CA10: variants seen among roughly 807,000 people sequenced by gnomAD.
CA10 encodes carbonic anhydrase 10 (inactive).
Under a neutral mutation model 44.2 loss-of-function variants are expected in CA10, and 14 were observed. The observed-to-expected ratio is 0.32, with a 90% CI of 0.21 to 0.50. The LOEUF is 0.50. Ranked by LOEUF, CA10 falls within the 20% of genes least tolerant of loss-of-function variation. CA10 has a pLI of 0.99. For missense variants in CA10, 350 were observed against 409.7 expected (o/e 0.85, Z 1.26); for synonymous variants, 159 against 141.6 (o/e 1.12, Z -0.87).
chr17:51,930,273 ATT>A, intron 3 of CA10, among the ~76,000 whole-genome samples: 1 of 150,060 alleles, frequency 6.7e-6, no homozygotes, highest in East Asian at 1.9e-4. Context: ...CTGCATGTGC[ATT>A]TTTTTTTTAC....
rs147001372 is a variant in CA10, at chr17:52,132,153, C to T, written c.61+25573G>A. ...ACATAGGGCACATTATGTACATGTA[C>T]CCTAAAACTTAAAGTATAATAATAA... On this transcript the variant is annotated intron_variant, in intron 1 of 8. Coordinates refer to ENST00000451037, the MANE Select transcript of CA10 (RefSeq NM_020178.5). Among the ~76,000 whole-genome samples, 825 of 151,598 alleles carry T rather than the reference C, an allele frequency of 5.4e-3. 3 individuals are homozygous for T. The highest frequency in any genetic ancestry group is 9.1e-3 in the Non-Finnish European group (615 of 67,894).
intron 2 of CA10, among the ~76,000 whole-genome samples, chr17:51,967,856 A>G (rs551837824): frequency 4.0e-5 from 6 of 151,792 alleles, no homozygotes; most frequent in Admixed American, 6.6e-5. Flanking sequence ...AAAAAAAAGA[A>G]AATAAGGAGA....
intron 3 of CA10, among the ~76,000 whole-genome samples, chr17:51,879,256 A>C (rs1443387460): frequency 6.6e-6 from 1 of 152,094 alleles, no homozygotes; most frequent in African/African-American, 2.4e-5. Flanking sequence ...GAATTTTTTC[A>C]TGTGTAGCTC....
chr17:51,779,826 A>T (rs1018591405), intron 3 of CA10, among the ~76,000 whole-genome samples: 4 of 152,184 alleles, frequency 2.6e-5, no homozygotes, highest in African/African-American at 9.7e-5. Flanking sequence ...TGTCATAGAC[A>T]AGTTAGGGAA....
intron 3 of CA10, among the ~76,000 whole-genome samples, chr17:51,885,613 CAGTT>C (rs1980563407): frequency 1.3e-5 from 2 of 152,310 alleles, no homozygotes; most frequent in Admixed American, 6.5e-5. Context: ...GGGTCCCTTT[CAGTT>C]AGTTATTATT....
rs1567854577 is a variant in CA10 at position 51,831,695 on chromosome 17, A to AGCGGCAGCG, written c.280-83878_280-83877insCGCTGCCGC. ...CAGCAGCAGCAGCAGCAGCAGCAGC[A>AGCGGCAGCG]GCAGCAGCAGCAGCAGCAGCAGCAG... On this transcript the variant is annotated intron_variant, in intron 3 of 8. Coordinates refer to ENST00000451037, the MANE Select transcript of CA10 (RefSeq NM_020178.5). Among the ~76,000 whole-genome samples, 43 of 80,872 alleles carry AGCGGCAGCG rather than the reference A, an allele frequency of 5.3e-4. 1 individual carries two copies. Among genetic ancestry groups the AGCGGCAGCG allele is most frequent in the South Asian group, 4.6e-3 (11 of 2,390 alleles). The allele number at this position is 80,872 out of a possible 152,430, so 53.1% of individuals were successfully genotyped here.
intron 2 of CA10, among the ~76,000 whole-genome samples, chr17:51,942,300 A>T (rs1021133698): frequency 6.6e-6 from 1 of 152,106 alleles, no homozygotes; most frequent in East Asian, 1.9e-4. Flanking sequence ...ACCCAAACAC[A>T]ACACAACTGG....
intron 1 of CA10, among the ~76,000 whole-genome samples, chr17:52,075,592 G>A (rs1011692262): frequency 1.4e-4 from 22 of 152,142 alleles, no homozygotes; most frequent in African/African-American, 2.4e-4. Context: ...ATAATTTATC[G>A]TTGTTTCTAA....
chr17:51,842,066 G>A (rs575631074), intron 3 of CA10, among the ~76,000 whole-genome samples: 1 of 152,142 alleles, frequency 6.6e-6, no homozygotes. Flanking sequence ...AAGCAGTATG[G>A]GATTCCTGTG....
chr17:51,968,509 A>G (rs528421222), intron 2 of CA10, among the ~76,000 whole-genome samples: 1 of 152,064 alleles, frequency 6.6e-6, no homozygotes, highest in East Asian at 1.9e-4. Context: ...GTATATTTCC[A>G]TTTATACGAC....
chr17:51,932,747 C>A (rs1188833213), intron 2 of CA10, among the ~76,000 whole-genome samples: 1 of 152,034 alleles, frequency 6.6e-6, no homozygotes, highest in Non-Finnish European at 1.5e-5. Flanking sequence ...GCTTCCTCGG[C>A]CCTCTCATTT....
chr17:51,831,732 G>GCCGCCGCCGCCGCCGC (rs1567854679), intron 3 of CA10, among the ~76,000 whole-genome samples: 1 of 145,940 alleles, frequency 6.9e-6, no homozygotes, highest in African/African-American at 2.5e-5. Flanking sequence ...AGCAGCAGCA[G>GCCGCCGCCGCCGCCGC]AAAAAGACCT....
chr17:51,925,228 T>G (rs1240116967), intron 3 of CA10, among the ~76,000 whole-genome samples: 1 of 152,116 alleles, frequency 6.6e-6, no homozygotes, highest in African/African-American at 2.4e-5. Context: ...GCCATTAGGC[T>G]AAGGTCAATT....
intron 4 of CA10, among the ~76,000 whole-genome samples, chr17:51,706,722 A>G (rs527703776): frequency 6.6e-6 from 1 of 152,220 alleles, no homozygotes; most frequent in East Asian, 1.9e-4. Flanking sequence ...AGGATTCCAC[A>G]TTAGCCAACT....
At chr17:51,985,885 A>C (rs203060) in intron 2 of CA10, among the ~76,000 whole-genome samples, 1 of 152,060 alleles carries the variant, frequency 6.6e-6, no homozygotes, top group African/African-American at 2.4e-5. Flanking sequence ...CATATCCCAT[A>C]CTCACGGGTG....
chr17:51,849,145 TTATA>T (rs1185738149), intron 3 of CA10, among the ~76,000 whole-genome samples: 6 of 127,946 alleles, frequency 4.7e-5, no homozygotes, highest in Admixed American at 1.7e-4. Flanking sequence ...ACTTAGTTTT[TTATA>T]TATATACATA....
intron 3 of CA10, among the ~76,000 whole-genome samples, chr17:51,758,792 C>T (rs1014665051): frequency 3.3e-5 from 5 of 152,148 alleles, no homozygotes; most frequent in Non-Finnish European, 7.3e-5. Flanking sequence ...TCTGTGTCTG[C>T]TTAGCTGCCT....
At chr17:51,844,787 A>T (rs1490956158) in intron 3 of CA10, among the ~76,000 whole-genome samples, 1 of 152,218 alleles carries the variant, frequency 6.6e-6, no homozygotes, top group African/African-American at 2.4e-5. Flanking sequence ...GCTAATTAAT[A>T]AAACAAAACA....
chr17:51,875,257 C>CAT (rs1402673815), intron 3 of CA10, among the ~76,000 whole-genome samples: 8 of 152,174 alleles, frequency 5.3e-5, no homozygotes, highest in African/African-American at 1.9e-4. Flanking sequence ...GCAATCCTCC[C>CAT]ATACTGGCCT....
Sources: allele counts gnomAD v4.1 joint callset (sites outside exome capture counted in the v4.1 genomes callset), GRCh38; gene constraint gnomAD v4.1.1; transcripts MANE v1.5; gene names NCBI Gene and HGNC (gene_info 2026-07-23, HGNC 2026-07-21).